The following CHRM2 variants were observed in gnomAD, a reference collection of about 807,000 sequenced individuals.
The protein encoded by CHRM2 is cholinergic receptor muscarinic 2.
In CHRM2, 8 loss-of-function variants were observed where a neutral mutation model predicts 25.0. The observed-to-expected ratio is 0.32, with a 90% CI of 0.19 to 0.58. CHRM2 has a LOEUF of 0.58. Ranked by LOEUF, CHRM2 falls within the 20% of genes least tolerant of loss-of-function variation. The pLI is 0.88. For missense variants in CHRM2, 440 were observed against 567.1 expected (o/e 0.78, Z 2.28); for synonymous variants, 202 against 205.7 (o/e 0.98, Z 0.15).
At chr7:137,011,199 G>A (rs1217986247) in intron 3 of CHRM2, among the ~76,000 whole-genome samples, 1 of 128,600 alleles carries the variant, frequency 7.8e-6, no homozygotes, top group Non-Finnish European at 1.6e-5. Flanking sequence ...GTGTACGTGT[G>A]TGTGTGTGTG....
chr7:136,992,550 C>T (rs538140538), intron 3 of CHRM2, among the ~76,000 whole-genome samples: 40 of 152,246 alleles, frequency 2.6e-4, no homozygotes, highest in African/African-American at 7.7e-4. Flanking sequence ...GTTCTACACC[C>T]TACCGTAAGC....
chr7:136,993,613 G>A (rs1372067185), intron 3 of CHRM2, among the ~76,000 whole-genome samples: 1 of 152,106 alleles, frequency 6.6e-6, no homozygotes, highest in Non-Finnish European at 1.5e-5. Context: ...CTAGCCCAGT[G>A]GCTTTCTGCC....
chr7:136,907,469 C>T (rs1797618083), intron 2 of CHRM2, among the ~76,000 whole-genome samples: 1 of 151,884 alleles, frequency 6.6e-6, no homozygotes, highest in South Asian at 2.1e-4. Context: ...TCTTCACTTT[C>T]TCACTCAGAT....
At chr7:136,913,715 A>T (rs983316078) in intron 2 of CHRM2, among the ~76,000 whole-genome samples, 6 of 151,902 alleles carry the variant, frequency 3.9e-5, no homozygotes, top group Admixed American at 3.9e-4. Context: ...CACTTCAATG[A>T]CATTTGCTTT....
chr7:136,957,255 A>G (rs1432784002), intron 2 of CHRM2, among the ~76,000 whole-genome samples: 3 of 151,082 alleles, frequency 2.0e-5, no homozygotes, highest in Non-Finnish European at 3.0e-5. Context: ...CATAGTGTAT[A>G]TGTGTGTGTG....
intron 2 of CHRM2, among the ~76,000 whole-genome samples, chr7:136,891,633 T>C (rs1293103334): frequency 2.0e-5 from 3 of 152,166 alleles, no homozygotes; most frequent in African/African-American, 7.2e-5. Flanking sequence ...ACCTCCCCAG[T>C]CTCATCTTGA....
chr7:136,911,897 A>G (rs1044014422), intron 2 of CHRM2, among the ~76,000 whole-genome samples: 1 of 151,932 alleles, frequency 6.6e-6, no homozygotes, highest in Non-Finnish European at 1.5e-5. Context: ...TTGAATTCTC[A>G]CACTATCATC....
intron 2 of CHRM2, among the ~76,000 whole-genome samples, chr7:136,973,606 T>G (rs324609): frequency 6.4e-4 from 3 of 4,720 alleles, no homozygotes; most frequent in Non-Finnish European, 2.5e-3. Context: ...ATGACGGTGA[T>G]GGTGTTAGGG....
chr7:136,946,618 C>A (rs1800089214), intron 2 of CHRM2, among the ~76,000 whole-genome samples: 1 of 152,104 alleles, frequency 6.6e-6, no homozygotes, highest in South Asian at 2.1e-4. Context: ...AATACACTCC[C>A]AATACAGAAT....
chr7:136,902,988 C>G, intron 2 of CHRM2: 1 of 408,468 alleles, frequency 2.4e-6, no homozygotes. Flanking sequence ...CTGGGATTAA[C>G]CTGGAGTCTG....
At chr7:136,938,359 C>A in intron 2 of CHRM2, 1 of 1,584,902 alleles carries the variant, frequency 6.3e-7, no homozygotes, top group Non-Finnish European at 8.6e-7. Flanking sequence ...CTGCAGGAGG[C>A]TCCACTTGGT....
intron 2 of CHRM2, among the ~76,000 whole-genome samples, chr7:136,912,863 T>C (rs1797916801): frequency 6.6e-6 from 1 of 151,950 alleles, no homozygotes; most frequent in Admixed American, 6.6e-5. Context: ...TCATCCTCTA[T>C]GAAACGCGGT....
chr7:136,942,089 G>A (rs566599396), intron 2 of CHRM2, among the ~76,000 whole-genome samples: 70 of 152,272 alleles, frequency 4.6e-4, no homozygotes, highest in Non-Finnish European at 8.2e-4. Context: ...GGGGTACAAG[G>A]AGTCCAGCTA....
intron 2 of CHRM2, among the ~76,000 whole-genome samples, chr7:136,892,770 A>G (rs1411560882): frequency 6.7e-6 from 1 of 150,144 alleles, no homozygotes; most frequent in Non-Finnish European, 1.5e-5. Context: ...CCTGGGTTCC[A>G]TCGATTCTCC....
intron 2 of CHRM2, among the ~76,000 whole-genome samples, chr7:136,943,726 T>C (rs1039273733): frequency 1.8e-4 from 6 of 32,494 alleles, no homozygotes; most frequent in African/African-American, 1.1e-3. Flanking sequence ...GCAGTATCAA[T>C]GATTATCTCA....
chr7:136,914,952 A>G (rs1440672747), intron 2 of CHRM2, among the ~76,000 whole-genome samples: 1 of 152,006 alleles, frequency 6.6e-6, no homozygotes, highest in Non-Finnish European at 1.5e-5. Context: ...TTCTAACAAA[A>G]AGAATTGTGA....
At chr7:136,954,579 G>A (rs1161799018) in intron 2 of CHRM2, among the ~76,000 whole-genome samples, 1 of 152,024 alleles carries the variant, frequency 6.6e-6, no homozygotes, top group African/African-American at 2.4e-5. Context: ...CTCCCTTTCT[G>A]TTTATTTCTC....
chr7:136,906,173 CAT>C lies in CHRM2; in HGVS notation c.-125+36758_-125+36759del, dbSNP rs1563057665. On this transcript the variant is annotated intron_variant, in intron 2 of 3. Transcript: ENST00000680005. Reference sequence around the variant, plus strand: ...GTATACATATATACATATATACTCACATATGGTTTGTATGTATATACGTATAT... The same window carrying C: ...GTATACATATATACATATATACTCACATGGTTTGTATGTATATACGTATAT... 2.7e-5 allele frequency among the ~76,000 whole-genome samples: 4 copies of C among 149,930 alleles called. 1 individual carries two copies. Among genetic ancestry groups the C allele is most frequent in the Admixed American group, 1.3e-4 (2 of 14,978 alleles).
intron 2 of CHRM2, among the ~76,000 whole-genome samples, chr7:136,896,587 T>C (rs1796911621): frequency 6.6e-6 from 1 of 152,156 alleles, no homozygotes; most frequent in Non-Finnish European, 1.5e-5. Context: ...TGTTTTCATA[T>C]GTGCACTCAT....
Sources: gnomAD v4.1 joint callset for allele counts (sites outside exome capture counted in the v4.1 genomes callset) on GRCh38, gnomAD v4.1.1 for gene constraint, MANE v1.5 for transcripts, NCBI Gene and HGNC (gene_info 2026-07-23, HGNC 2026-07-21) for gene names.